Variants in SRRM2 observed in about 807,000 individuals in gnomAD.
The protein encoded by SRRM2 is serine/arginine repetitive matrix 2, also known as serine/arginine repetitive matrix protein 2.
A neutral mutation model predicts 213.8 loss-of-function variants in SRRM2; 30 were observed. That is an observed-to-expected ratio of 0.14 (90% CI 0.10 to 0.19). SRRM2 has a LOEUF of 0.19. Among genes scored for constraint, SRRM2 ranks in the 10% least tolerant of loss-of-function variants. SRRM2 has a pLI of 1.00. For synonymous variants in SRRM2, 2,025 were observed against 1,377.7 expected, an observed-to-expected ratio of 1.47 and a Z score of -10.40; for missense variants, 4,904 against 3,647.0, an observed-to-expected ratio of 1.34 and a Z score of -8.88.
rs1302595742 is a variant in SRRM2, at chr16:2,762,523, A to G, written c.1995A>G (p.Arg665=). 1 of 1,613,950 alleles carries G rather than the reference A, an allele frequency of 6.2e-7. No individual in the cohort carries two copies. The highest frequency in any genetic ancestry group is 2.2e-5 in the East Asian group (1 of 44,874). Reference sequence around the variant, plus strand: ...GCTCACGCTCCAGAACCCCAGCCAGACGTGGCCGCTCACGCTCTAGAACCC... The same window carrying G: ...GCTCACGCTCCAGAACCCCAGCCAGGCGTGGCCGCTCACGCTCTAGAACCC... The part of the protein sequence containing the change: ...RGRSRSRTPA[R]RGRSRSRTPA... The change falls in exon 11 of 15, where the codon AGA becomes AGG. Residue 665 remains arginine, a synonymous_variant. Transcript: ENST00000301740.
chr16:2,769,618 C>A (rs1024756319), intron 12 of SRRM2: 1 of 598,500 alleles, frequency 1.7e-6, no homozygotes, highest in South Asian at 1.5e-5. Context: ...TCTCCCGACT[C>A]TGTCCACAGC....
Position 2,759,218 on chromosome 16 carries a change from G to C in SRRM2, c.689+46G>C, listed in dbSNP as rs759717037. On this transcript the variant is annotated intron_variant, in intron 7 of 14. Coordinates refer to ENST00000301740, the MANE Select transcript of SRRM2 (RefSeq NM_016333.4). ...AGGGGGCGCAGTGGCATGTGGAGTG[G>C]TGATTTTTTTTTCTTGGAGTGAAGC... is the stretch of plus-strand genomic sequence containing the variant. 5 of 1,607,436 alleles carry C rather than the reference G, an allele frequency of 3.1e-6. No homozygotes were observed. In the Admixed American group the frequency reaches 6.8e-5, roughly 22 times the overall value.
Position 2,762,463 on chromosome 16 carries a change from C to T in SRRM2, c.1935C>T (p.Gly645=), listed in dbSNP as rs2068388445. ...SRSRSPARRS[G]RSRSRTPARR... The stretch of plus-strand genomic sequence containing the variant: ...GTAGATCACCAGCCAGGAGAAGTGG[C>T]AGGTCACGCTCTAGAACCCCAGCTA... Residue 645 remains glycine, a synonymous_variant, in exon 11 of 15, where the codon GGC becomes GGT. Transcript: ENST00000301740. 1 of 1,613,724 alleles carries T rather than the reference C, an allele frequency of 6.2e-7. No homozygotes were observed. The highest frequency in any genetic ancestry group is 1.3e-5 in the African/African-American group (1 of 74,818).
rs1220351070 is a variant in SRRM2, at chr16:2,763,009, T to C, written c.2481T>C (p.Ser827=). ...SSSSPPPKQK[S]KTPSRQSHSS... ...CTTCTCCGCCACCTAAACAGAAATCTAAGACACCATCAAGACAAAGTCATT... is the reference window on the plus strand; with the variant it reads ...CTTCTCCGCCACCTAAACAGAAATCCAAGACACCATCAAGACAAAGTCATT... The change falls in exon 11 of 15, where the codon TCT becomes TCC. Residue 827 remains serine (S), a synonymous_variant. Coordinates refer to ENST00000301740, the MANE Select transcript of SRRM2 (RefSeq NM_016333.4). 1.2e-6 allele frequency: 2 copies of C among 1,613,896 alleles called. No homozygotes were observed. Among genetic ancestry groups the C allele is most frequent in the African/African-American group, 2.7e-5 (2 of 74,862 alleles).
In SRRM2 at chr16:2,757,826, T is replaced by C. The variant is rs1322317167; in HGVS notation, c.396T>C (p.Asn132=). Residue 132 remains asparagine (N), a synonymous_variant, in exon 4 of 15, where the codon AAT becomes AAC. Transcript: ENST00000301740. ...HQLAELNEKK[N]ERLRAAFGIS... is the part of the protein sequence containing the mutation. Reference sequence around the variant, plus strand: ...TGGCAGAATTAAATGAGAAGAAGAATGAAAGACTCCGTGCTGCCTTTGGCA... The same window carrying C: ...TGGCAGAATTAAATGAGAAGAAGAACGAAAGACTCCGTGCTGCCTTTGGCA... The C allele has an allele frequency of 1.9e-6, 3 of 1,614,130 alleles. No homozygotes were observed. The highest frequency in any genetic ancestry group is 2.2e-5 in the East Asian group (1 of 44,892).
At chr16:2,759,265 T>C (rs2068255212) in intron 7 of SRRM2, 87 bp from the exon 8 acceptor site, 9 of 1,605,302 alleles carry the variant, frequency 5.6e-6, no homozygotes, top group Non-Finnish European at 7.7e-6. Context: ...ATCTTCCTTG[T>C]GTCAACACTC....
At chr16:2,759,214 AGTG>A (rs1290480731) in intron 7 of SRRM2, 42 bp downstream of exon 7, 1 of 1,607,918 alleles carries the variant, frequency 6.2e-7, no homozygotes, top group Non-Finnish European at 8.5e-7. Flanking sequence ...TGGCATGTGG[AGTG>A]GTGATTTTTT....
chr16:2,754,809 AT>A (rs1039597230), intron 1 of SRRM2, among the ~76,000 whole-genome samples: 9 of 152,020 alleles, frequency 5.9e-5, no homozygotes, highest in Non-Finnish European at 1.3e-4. Flanking sequence ...AGAGAAATTG[AT>A]TTTTTGAGCC....
Position 2,765,822 on chromosome 16 carries a change from C to T in SRRM2, c.5294C>T (p.Pro1765Leu), listed in dbSNP as rs1229077655. Reference sequence around the variant, plus strand: ...TCAAGGAGAGGCCGCTCTCCTTCGCCAAAGCCTCGTGGACTCCAGAGGTCC... The same window carrying T: ...TCAAGGAGAGGCCGCTCTCCTTCGCTAAAGCCTCGTGGACTCCAGAGGTCC... The part of the protein sequence containing the change: ...TTSRRGRSPS[P>L]KPRGLQRSRS... The change falls in exon 11 of 15, where the codon CCA (proline) becomes CTA (leucine). Residue 1765 changes from proline to leucine, a missense_variant. Coordinates refer to ENST00000301740, the MANE Select transcript of SRRM2 (RefSeq NM_016333.4). The T allele has an allele frequency of 6.2e-7, 1 of 1,614,002 alleles. No homozygotes were observed. Among genetic ancestry groups the T allele is most frequent in the Admixed American group, 1.7e-5 (1 of 59,990 alleles).
chr16:2,764,322 C>T lies in SRRM2; in HGVS notation c.3794C>T (p.Thr1265Ile), dbSNP rs958874583. ...TCTTCAGAACTTAAAGAAATGTCCA[C>T]AAGTAACTTTGAATCATCTCCTGAA... ...HLSSELKEMS[T>I]SNFESSPEVE... is the part of the protein sequence containing the mutation. Residue 1265 changes from threonine to isoleucine, a missense_variant, in exon 11 of 15, where the codon ACA becomes ATA. Thr to Ile is a moderately conservative substitution (Grantham distance 89, BLOSUM62 -1). Coordinates refer to ENST00000301740, the MANE Select transcript of SRRM2 (RefSeq NM_016333.4). 3.1e-6 allele frequency: 5 copies of T among 1,614,100 alleles called. No individual in the cohort carries two copies. The highest frequency in any genetic ancestry group is 1.7e-5 in the Admixed American group (1 of 60,008).
In SRRM2 at chr16:2,762,572, C is replaced by T. The variant is rs201743839; in HGVS notation, c.2044C>T (p.Arg682Cys). The T allele has an allele frequency of 8.9e-4, 1,430 of 1,614,046 alleles. 27 individuals carry two copies. In the South Asian group the frequency reaches 0.015, roughly 17 times the overall value. ...CCCAGCTAGACGCAGTGGTCGCTCA[C>T]GCTCCAGAACACCAGCCAGGAGAGG... ...RTPARRSGRS[R>C]SRTPARRGRS... The change falls in exon 11 of 15, where the codon CGC becomes TGC. Residue 682 changes from arginine (R) to cysteine (C), a missense_variant. By Grantham distance (180) the Arg-to-Cys change is radical. Coordinates refer to ENST00000301740, the MANE Select transcript of SRRM2 (RefSeq NM_016333.4).
In SRRM2 at chr16:2,763,620, G is replaced by T. The variant is rs753262044; in HGVS notation, c.3092G>T (p.Gly1031Val). ...GACTCACTAGTTCAAAGTTGCCCTGGATCCCTCTCTCTCTGTGCAGGAGTA... is the reference window on the plus strand; with the variant it reads ...GACTCACTAGTTCAAAGTTGCCCTGTATCCCTCTCTCTCTGTGCAGGAGTA... ...SKDSLVQSCP[G>V]SLSLCAGVKS... Residue 1031 changes from glycine to valine, a missense_variant, in exon 11 of 15, where the codon GGA (glycine) becomes GTA (valine). By Grantham distance (109) the Gly-to-Val change is moderately radical (BLOSUM62 -3). Transcript: ENST00000301740. 3 of 1,613,944 alleles carry T rather than the reference G, an allele frequency of 1.9e-6. No homozygotes were observed. Among genetic ancestry groups the T allele is most frequent in the Non-Finnish European group, 2.5e-6 (3 of 1,180,026 alleles).
At position 2,768,181 on chromosome 16, in the gene SRRM2, G is replaced by A. The variant is rs149616150; in HGVS notation, c.7653G>A (p.Ser2551=). Residue 2551 remains serine, a synonymous_variant, in exon 11 of 15, where the codon TCG becomes TCA. Transcript: ENST00000301740. ...CCTCTTCTTCATCATCGTCGTCGTC[G>A]TCCTCCTCCTCCTCTGGCTCCAGTT... ...SSSSSSSSSS[S]SSSSSGSSSS... The A allele has an allele frequency of 8.1e-6, 13 of 1,598,606 alleles. 1 individual carries two copies. The highest frequency in any genetic ancestry group is 4.5e-5 in the South Asian group (4 of 89,832).
chr16:2,763,128 C>A lies in SRRM2; in HGVS notation c.2600C>A (p.Pro867Gln). The change falls in exon 11 of 15, where the codon CCA (proline) becomes CAA (glutamine). Residue 867 changes from proline (P) to glutamine (Q), a missense_variant. Pro to Gln is a moderately conservative substitution (Grantham distance 76, BLOSUM62 -1). Coordinates refer to ENST00000301740, the MANE Select transcript of SRRM2 (RefSeq NM_016333.4). ...SPQANEQSVT[P>Q]QRRSCFESSP... is the part of the protein sequence containing the mutation. ...CAGGCCAATGAGCAATCTGTAACGC[C>A]ACAGAGACGGAGCTGTTTTGAATCA... 1 of 1,614,146 alleles carries A rather than the reference C, an allele frequency of 6.2e-7. No homozygotes were observed. The highest frequency in any genetic ancestry group is 8.5e-7 in the Non-Finnish European group (1 of 1,180,032).
In SRRM2 at chr16:2,771,361, C is replaced by CTG. The variant is rs1386814500; in HGVS notation, c.*496_*497dup. On this transcript the variant is annotated 3_prime_UTR_variant, in exon 15 of 15. Coordinates refer to ENST00000301740, the MANE Select transcript of SRRM2 (RefSeq NM_016333.4). ...TAAAGGCATTTTGGTTTTTTAAAAT[C>CTG]TGTACAGCAAGAGCAACTTTTTCTG... 6.3e-7 allele frequency: 1 copy of CTG among 1,589,760 alleles called. No individual in the cohort carries two copies. The highest frequency in any genetic ancestry group is 1.3e-5 in the African/African-American group (1 of 74,506).
At position 2,765,967 on chromosome 16, in the gene SRRM2, G is replaced by A. The variant is rs2068527063; in HGVS notation, c.5439G>A (p.Arg1813=). The change falls in exon 11 of 15, where the codon CGG becomes CGA. Residue 1813 remains arginine, a synonymous_variant. Transcript: ENST00000301740. Reference sequence around the variant, plus strand: ...GGTCAAGGTCGCGGGTTACTCGGCGGCGGAGGGGAGGCTCTGGTTATCACT... The same window carrying A: ...GGTCAAGGTCGCGGGTTACTCGGCGACGGAGGGGAGGCTCTGGTTATCACT... ...RSRSRSRVTR[R]RRGGSGYHSR... The A allele has an allele frequency of 6.2e-7, 1 of 1,614,058 alleles. No homozygotes were observed. Among genetic ancestry groups the A allele is most frequent in the African/African-American group, 1.3e-5 (1 of 74,920 alleles).
chr16:2,769,020 C>A lies in SRRM2; in HGVS notation c.7757C>A (p.Pro2586Gln). The change falls in exon 12 of 15, where the codon CCA becomes CAA. Residue 2586 changes from proline to glutamine, a missense_variant. Coordinates refer to ENST00000301740, the MANE Select transcript of SRRM2 (RefSeq NM_016333.4). ...LKRVPSPTPA[P>Q]KEAVREGRPP... is the part of the protein sequence containing the mutation. Reference sequence around the variant, plus strand: ...AGGGTCCCCAGCCCCACCCCAGCCCCAAAGGAGGCTGTTCGAGAGGGACGT... The same window carrying A: ...AGGGTCCCCAGCCCCACCCCAGCCCAAAAGGAGGCTGTTCGAGAGGGACGT... 6.2e-7 allele frequency: 1 copy of A among 1,614,080 alleles called. No individual in the cohort carries two copies. The highest frequency in any genetic ancestry group is 8.5e-7 in the Non-Finnish European group (1 of 1,179,992).
intron 1 of SRRM2, among the ~76,000 whole-genome samples, chr16:2,755,451 C>T (rs902373999): frequency 6.6e-6 from 1 of 151,976 alleles, no homozygotes; most frequent in African/African-American, 2.4e-5. Context: ...GGTATGGGAA[C>T]GGTTGGAACA....
Position 2,762,470 on chromosome 16 carries a change from C to T in SRRM2, c.1942C>T (p.Arg648Cys), listed in dbSNP as rs565469640. The change falls in exon 11 of 15, where the codon CGC (arginine) becomes TGC (cysteine). Residue 648 changes from arginine (R) to cysteine (C), a missense_variant. Coordinates refer to ENST00000301740, the MANE Select transcript of SRRM2 (RefSeq NM_016333.4). Reference sequence around the variant, plus strand: ...ACCAGCCAGGAGAAGTGGCAGGTCACGCTCTAGAACCCCAGCTAGACGTGG... The same window carrying T: ...ACCAGCCAGGAGAAGTGGCAGGTCATGCTCTAGAACCCCAGCTAGACGTGG... ...RSPARRSGRS[R>C]SRTPARRGRS... is the part of the protein sequence containing the mutation. 28 of 1,613,276 alleles carry T rather than the reference C, an allele frequency of 1.7e-5. 1 individual carries two copies. The highest frequency in any genetic ancestry group is 5.0e-5 in the Admixed American group (3 of 59,978).
Sources: gnomAD v4.1 joint callset for allele counts (sites outside exome capture counted in the v4.1 genomes callset) on GRCh38, gnomAD v4.1.1 for gene constraint, MANE v1.5 for transcripts, NCBI Gene and HGNC (gene_info 2026-07-23, HGNC 2026-07-21) for gene names.